Variants in COL6A1 observed in about 807,000 individuals in gnomAD.
The protein encoded by COL6A1 is collagen alpha-1(VI) chain.
COL6A1 carries 80 observed loss-of-function variants against 145.6 expected under a neutral mutation model. The ratio of observed to expected loss-of-function variants is 0.55; its 90% CI spans 0.46 to 0.66. The LOEUF (loss-of-function observed/expected upper bound fraction) is 0.66, where lower values mean the gene tolerates loss of function less well. Among genes scored for constraint, COL6A1 ranks in the 30% least tolerant of loss-of-function variants. COL6A1 has a pLI of 0.00. For missense variants in COL6A1, 1,364 were observed against 1,473.8 expected (o/e 0.93, Z 1.22); for synonymous variants, 638 against 622.8 (o/e 1.02, Z -0.36).
rs929040859 is a variant in COL6A1, at chr21:45,986,198, G to A, written c.429-328G>A. ...GGGTAGACGCGGCGGGCATCTCGGAGGGGCACGCTCCCTGCCACCCTCAGC... is the reference window on the plus strand; with the variant it reads ...GGGTAGACGCGGCGGGCATCTCGGAAGGGCACGCTCCCTGCCACCCTCAGC... On this transcript the variant is annotated intron_variant, in intron 3 of 34. Transcript: ENST00000361866. Among the ~76,000 whole-genome samples, 4 of 152,208 alleles carry A rather than the reference G, an allele frequency of 2.6e-5. No homozygotes were observed. In the East Asian group the frequency reaches 7.7e-4, roughly 29 times the overall value.
intron 29 of COL6A1, 66 bp downstream of exon 29, chr21:46,000,833 C>T: frequency 1.3e-6 from 2 of 1,585,412 alleles, no homozygotes; most frequent in African/African-American, 1.3e-5. Flanking sequence ...GCCTGGGTCC[C>T]ACACATGTCA....
Position 45,997,480 on chromosome 21 carries a change from C to T in COL6A1, c.1458C>T (p.Ser486=), listed in dbSNP as rs377137616. 28 of 1,610,010 alleles carry T rather than the reference C, an allele frequency of 1.7e-5. No individual in the cohort carries two copies. The Middle Eastern group carries it at 4.9e-4, about 28-fold the overall frequency. Residue 486 remains serine (S), a synonymous_variant, in exon 21 of 35, where the codon TCC becomes TCT. Coordinates refer to ENST00000361866, the MANE Select transcript of COL6A1 (RefSeq NM_001848.3). ...GYRGDEGPPG[S]EGARGAPGPA... is the part of the protein sequence containing the mutation. ...GAGGCGATGAGGGTCCCCCAGGGTC[C>T]GAGGTGAGTCCCACTCCCCACCCAC...
Position 45,990,418 on chromosome 21 carries a change from T to C in COL6A1, c.998T>C (p.Val333Ala), listed in dbSNP as rs779453806. ...CGTGGCATCGACGGGGTGGACGGCG[T>C]GAAGGTGACTGGGGGGAGATAGGAT... ...GKRGIDGVDG[V>A]KGEMGYPGLP... Residue 333 changes from valine (V) to alanine (A), a missense_variant, in exon 13 of 35, where the codon GTG (valine) becomes GCG (alanine). Val to Ala is a moderately conservative substitution (Grantham distance 64). Transcript: ENST00000361866. 9.4e-7 allele frequency: 1 copy of C among 1,065,302 alleles called. No individual in the cohort carries two copies. Among genetic ancestry groups the C allele is most frequent in the South Asian group, 2.1e-5 (1 of 48,410 alleles). 66.0% of individuals were successfully genotyped at this position (1,065,302 alleles called of 1,614,324 possible).
chr21:46,000,610 G>A (rs531341571), intron 28 of COL6A1, 149 bp from the exon 29 acceptor site: 1 of 1,351,112 alleles, frequency 7.4e-7, no homozygotes. Context: ...GGGGAGGCGG[G>A]GAGGCGGGGC....
intron 27 of COL6A1, 93 bp from the exon 28 acceptor site, chr21:46,000,238 C>T (rs1041813538): frequency 1.3e-6 from 2 of 1,519,936 alleles, no homozygotes; most frequent in Non-Finnish European, 1.8e-6. Context: ...CCTGTGGGGG[C>T]CCCAGGGAGG....
intron 27 of COL6A1, 133 bp from the exon 28 acceptor site, chr21:46,000,197 AC>A: frequency 1.0e-6 from 1 of 974,452 alleles, no homozygotes; most frequent in Non-Finnish European, 1.7e-6. Flanking sequence ...AGCCGGGCAC[AC>A]CTGCAAAGAA....
Position 46,004,138 on chromosome 21 carries a change from C to A in COL6A1, c.*125C>A. On this transcript the variant is annotated 3_prime_UTR_variant, in exon 35 of 35. Coordinates refer to ENST00000361866, the MANE Select transcript of COL6A1 (RefSeq NM_001848.3). ...TCGCTAGATTTTTTTTAAGGAAAAG[C>A]TTGGAAAGCCAGGACACAACGCTGC... 1 of 1,360,344 alleles carries A rather than the reference C, an allele frequency of 7.4e-7. No individual in the cohort carries two copies. The highest frequency in any genetic ancestry group is 1.0e-6 in the Non-Finnish European group (1 of 985,320). 84.3% of individuals were successfully genotyped at this position (1,360,344 alleles called of 1,614,324 possible). A position where few individuals can be genotyped will look rare whatever the true frequency, so the allele number is the denominator to read the frequency against.
At chr21:45,993,673 C>T (rs1309881762) in intron 19 of COL6A1, among the ~76,000 whole-genome samples, 1 of 152,176 alleles carries the variant, frequency 6.6e-6, no homozygotes, top group East Asian at 1.9e-4. Flanking sequence ...TCCCTGGGAG[C>T]TCCCCAGAAG....
intron 20 of COL6A1, among the ~76,000 whole-genome samples, chr21:45,995,275 C>T (rs898748406): frequency 7.9e-5 from 12 of 152,262 alleles, no homozygotes; most frequent in African/African-American, 2.2e-4. Flanking sequence ...GGGAAGTGCA[C>T]GGCCTCAGTC....
At chr21:45,982,850 G>A in intron 2 of COL6A1, 87 bp downstream of exon 2, 9 of 1,566,940 alleles carry the variant, frequency 5.7e-6, no homozygotes, top group Non-Finnish European at 7.8e-6. Context: ...CGGGTGCGAC[G>A]GCCTCAACCT....
At chr21:45,990,890 G>A (rs1159056708) in intron 14 of COL6A1, 64 bp downstream of exon 14, 25 of 1,609,192 alleles carry the variant, frequency 1.6e-5, no homozygotes, top group Admixed American at 3.3e-5. Context: ...CGTGTGGACC[G>A]TTTTGACTTC....
chr21:46,001,955 C>T lies in COL6A1; in HGVS notation c.1957-6C>T, dbSNP rs1312949009. On this transcript the variant is annotated splice_polypyrimidine_tract_variant and splice_region_variant and intron_variant, in intron 30 of 34. Coordinates refer to ENST00000361866, the MANE Select transcript of COL6A1 (RefSeq NM_001848.3). ...TCGCGTCCTGACCCCGGTGCCGGTCCCACAGTTCGAGCCAGGGCAGTCGTA... is the reference window on the plus strand; with the variant it reads ...TCGCGTCCTGACCCCGGTGCCGGTCTCACAGTTCGAGCCAGGGCAGTCGTA... The T allele has an allele frequency of 1.2e-6, 2 of 1,611,594 alleles. No homozygotes were observed. Among genetic ancestry groups the T allele is most frequent in the African/African-American group, 1.3e-5 (1 of 74,896 alleles).
intron 21 of COL6A1, 79 bp downstream of exon 21, chr21:45,997,562 C>T: frequency 1.3e-6 from 2 of 1,551,450 alleles, no homozygotes; most frequent in South Asian, 2.2e-5. Context: ...CCAGTGCTGG[C>T]CCCGTGCCCT....
rs1380162844 is a variant in COL6A1, at chr21:45,994,135, C to A, written c.1336-32C>A. On this transcript the variant is annotated intron_variant, in intron 19 of 34. Transcript: ENST00000361866. The surrounding 1 kb of genome is among the most constrained non-coding windows in gnomAD (Gnocchi z 6.8). The stretch of plus-strand genomic sequence containing the variant: ...GCAGCCATCCTCCCCAAGGATGGCC[C>A]AGCTCCACACTCACGGCTCGTTTCT... 3.2e-6 allele frequency: 5 copies of A among 1,578,016 alleles called. No individual in the cohort carries two copies. Among genetic ancestry groups the A allele is most frequent in the Non-Finnish European group, 4.3e-6 (5 of 1,161,868 alleles).
intron 29 of COL6A1, 108 bp downstream of exon 29, chr21:46,000,875 C>T (rs1330946636): frequency 7.2e-6 from 10 of 1,385,378 alleles, no homozygotes; most frequent in Middle Eastern, 1.8e-4. Flanking sequence ...GGTCCCCGCC[C>T]GCAGCTCCCT....
intron 20 of COL6A1, among the ~76,000 whole-genome samples, chr21:45,995,432 G>A (rs541770904): frequency 3.3e-5 from 5 of 152,340 alleles, no homozygotes; most frequent in East Asian, 1.9e-4. Context: ...GGGAGGGGAC[G>A]GCCCAGGGCC....
At chr21:45,984,703 TAGAGAC>T (rs2077727730) in intron 3 of COL6A1, among the ~76,000 whole-genome samples, 1 of 119,962 alleles carries the variant, frequency 8.3e-6, no homozygotes, top group Non-Finnish European at 1.9e-5. Context: ...CAGAGAGAGA[TAGAGAC>T]AGAGACAGAG....
At position 45,981,938 on chromosome 21, in the gene COL6A1, G is replaced by A; in HGVS notation, c.88G>A (p.Ala30Thr). ...TGAGCCGGAGACCCCGAGGGCCGTG[G>A]CCTTCCAGGGTGAGTGGTGGCTTGG... is the stretch of plus-strand genomic sequence containing the variant. ...QDEPETPRAV[A>T]FQDCPVDLFF... Residue 30 changes from alanine to threonine, a missense_variant, in exon 1 of 35, where the codon GCC becomes ACC. Physicochemically the swap from Ala to Thr is moderately conservative, Grantham distance 58. Coordinates refer to ENST00000361866, the MANE Select transcript of COL6A1 (RefSeq NM_001848.3). 1.2e-6 allele frequency: 2 copies of A among 1,606,546 alleles called. No homozygotes were observed. The highest frequency in any genetic ancestry group is 2.2e-5 in the South Asian group (2 of 89,980).
In COL6A1 at chr21:45,994,720, G is replaced by C. The variant is rs911810582; in HGVS notation, c.1398+491G>C. On this transcript the variant is annotated intron_variant, in intron 20 of 34. Coordinates refer to ENST00000361866, the MANE Select transcript of COL6A1 (RefSeq NM_001848.3). The surrounding 1 kb of genome is among the most constrained non-coding windows in gnomAD (Gnocchi z 6.8). ...TCTAAATTCCCTTCTCCGAGCCTCT[G>C]GAATCGCTGTGCACGCCGCACGGCT... is the stretch of plus-strand genomic sequence containing the variant. Among the ~76,000 whole-genome samples, 3 of 152,194 alleles carry C rather than the reference G, an allele frequency of 2.0e-5. No homozygotes were observed. Among genetic ancestry groups the C allele is most frequent in the African/African-American group, 7.2e-5 (3 of 41,436 alleles).
Sources: allele counts gnomAD v4.1 joint callset (sites outside exome capture counted in the v4.1 genomes callset), GRCh38; gene constraint gnomAD v4.1.1; non-coding constraint Gnocchi (gnomAD v3.1); transcripts MANE v1.5; gene names NCBI Gene and HGNC (gene_info 2026-07-23, HGNC 2026-07-21).